Variants in PADI3 observed in about 807,000 individuals in gnomAD.
PADI3 encodes peptidyl arginine deiminase 3, also known as protein-arginine deiminase type-3.
In PADI3, 53 loss-of-function variants were observed where a neutral mutation model predicts 71.5. The observed-to-expected ratio is 0.74, with a 90% CI of 0.59 to 0.93. The LOEUF is 0.93. Among genes scored for constraint, PADI3 ranks in the 40% least tolerant of loss-of-function variants. The pLI is 0.00. For synonymous variants in PADI3, 361 were observed against 347.5 expected, an observed-to-expected ratio of 1.04 and a Z score of -0.43; for missense variants, 821 against 868.0, an observed-to-expected ratio of 0.95 and a Z score of 0.68.
At chr1:17,269,926 G>A (rs972244524) in intron 6 of PADI3, among the ~76,000 whole-genome samples, 1 of 152,122 alleles carries the variant, frequency 6.6e-6, no homozygotes, top group East Asian at 1.9e-4. Flanking sequence ...GCCTGTAGAT[G>A]TATTTTTGTA....
At chr1:17,259,921 A>G (rs2073082803) in intron 2 of PADI3, among the ~76,000 whole-genome samples, 163 bp downstream of exon 2, 1 of 152,182 alleles carries the variant, frequency 6.6e-6, no homozygotes, top group African/African-American at 2.4e-5. Flanking sequence ...TCTGCAAGTT[A>G]CAGACACATA....
rs548507629 is a variant in PADI3, at chr1:17,259,672, G to A, written c.187G>A (p.Ala63Thr). ...CAACATGGAGAGGGGCCGGGAGCGTGCAGACACCAGGCGGTGGCGCTTTGA... is the reference window on the plus strand; with the variant it reads ...CAACATGGAGAGGGGCCGGGAGCGTACAGACACCAGGCGGTGGCGCTTTGA... ...SPNMERGRER[A>T]DTRRWRFDAT... The change falls in exon 2 of 16, where the codon GCA (alanine) becomes ACA (threonine). Residue 63 changes from alanine (A) to threonine (T), a missense_variant. By Grantham distance (58) the Ala-to-Thr change is moderately conservative. Coordinates refer to ENST00000375460, the MANE Select transcript of PADI3 (RefSeq NM_016233.2). 28 of 1,613,912 alleles carry A rather than the reference G, an allele frequency of 1.7e-5. No individual in the cohort carries two copies. The South Asian group carries it at 3.1e-4, about 18-fold the overall frequency.
At chr1:17,260,332 G>C (rs1024822944) in intron 2 of PADI3, among the ~76,000 whole-genome samples, 6 of 152,164 alleles carry the variant, frequency 3.9e-5, no homozygotes, top group African/African-American at 1.4e-4. Context: ...GAAATGGGTG[G>C]CCTTTAAGCT....
chr1:17,271,204 C>T, intron 9 of PADI3, 26 bp downstream of exon 9: 1 of 1,593,944 alleles, frequency 6.3e-7, no homozygotes, highest in Non-Finnish European at 8.6e-7. Flanking sequence ...GGGCAGGGCC[C>T]AGCAAGGACG....
chr1:17,254,299 C>A (rs2073000597), intron 1 of PADI3, among the ~76,000 whole-genome samples: 1 of 152,204 alleles, frequency 6.6e-6, no homozygotes, highest in Non-Finnish European at 1.5e-5. Context: ...CACATCCCAG[C>A]TCGGTGGAGA....
At chr1:17,274,926 G>A in intron 11 of PADI3, 140 bp downstream of exon 11, 1 of 851,842 alleles carries the variant, frequency 1.2e-6, no homozygotes, top group Non-Finnish European at 1.8e-6. Flanking sequence ...CGGATGTGCT[G>A]GGGTTGGTGG....
intron 9 of PADI3, among the ~76,000 whole-genome samples, chr1:17,271,836 C>CAACAA (rs1553135547): frequency 6.4e-4 from 51 of 79,438 alleles, no homozygotes; most frequent in African/African-American, 2.5e-3. Flanking sequence ...GCAACAACAA[C>CAACAA]AAAAAAAAAA....
intron 1 of PADI3, 95 bp downstream of exon 1, chr1:17,249,324 C>A: frequency 9.9e-7 from 1 of 1,008,056 alleles, no homozygotes; most frequent in Non-Finnish European, 1.6e-6. Context: ...TCAGGGCCCA[C>A]TCCCCAGCCT....
At chr1:17,259,130 T>C (rs1280019206) in intron 1 of PADI3, among the ~76,000 whole-genome samples, 2 of 152,178 alleles carry the variant, frequency 1.3e-5, no homozygotes, top group Non-Finnish European at 1.5e-5. Context: ...AGTGCAGTGG[T>C]GCAATCTTGG....
intron 1 of PADI3, among the ~76,000 whole-genome samples, chr1:17,254,936 G>A (rs1339454441): frequency 1.3e-5 from 2 of 151,924 alleles, no homozygotes; most frequent in African/African-American, 2.4e-5. Flanking sequence ...GGCTGGTCTC[G>A]AACTCCTGAC....
chr1:17,273,276 C>T (rs928513379), intron 9 of PADI3, 64 bp from the exon 10 acceptor site: 18 of 1,309,370 alleles, frequency 1.4e-5, no homozygotes, highest in African/African-American at 7.3e-5. Context: ...GGCTCAGAGC[C>T]GAGCCAGCAG....
At chr1:17,257,876 T>C (rs1468257930) in intron 1 of PADI3, among the ~76,000 whole-genome samples, 2 of 152,192 alleles carry the variant, frequency 1.3e-5, no homozygotes, top group African/African-American at 4.8e-5. Context: ...GAGGATCAGA[T>C]GAGCTAATGT....
Position 17,257,505 on chromosome 1 carries a change from T to C in PADI3, c.93-2073T>C, listed in dbSNP as rs146547921. 5.2e-3 allele frequency among the ~76,000 whole-genome samples: 791 copies of C among 152,390 alleles called. 5 individuals are homozygous for C. The highest frequency in any genetic ancestry group is 0.018 in the African/African-American group (757 of 41,584). On this transcript the variant is annotated intron_variant, in intron 1 of 15. Coordinates refer to ENST00000375460, the MANE Select transcript of PADI3 (RefSeq NM_016233.2). ...GAAATTCAAGTCCAACTGAGCTTTC[T>C]GTATTTTTATTTGCTAAGTCTGGCA...
chr1:17,270,767 T>C, intron 7 of PADI3, 112 bp from the exon 8 acceptor site: 1 of 785,300 alleles, frequency 1.3e-6, no homozygotes, highest in Non-Finnish European at 2.2e-6. Context: ...TTCATTTCCA[T>C]CTTGCAGAGA....
chr1:17,274,600 C>A (rs371404280), intron 10 of PADI3, 35 bp from the exon 11 acceptor site: 11 of 1,583,488 alleles, frequency 6.9e-6, no homozygotes, highest in Non-Finnish European at 8.6e-6. Flanking sequence ...TTCCTGGTAC[C>A]CTCCACCCCC....
At position 17,265,756 on chromosome 1, in the gene PADI3, G is replaced by C. The variant is rs989113280; in HGVS notation, c.408+36G>C. 2.5e-6 allele frequency: 4 copies of C among 1,584,784 alleles called. No homozygotes were observed. In the Admixed American group the frequency reaches 6.7e-5, roughly 26 times the overall value. ...CTGCCTGGGCCCAGGAAGCAGGAGTGCAGTTGGAGCTTGCTCTAGGTTGGG... is the reference window on the plus strand; with the variant it reads ...CTGCCTGGGCCCAGGAAGCAGGAGTCCAGTTGGAGCTTGCTCTAGGTTGGG... On this transcript the variant is annotated intron_variant, in intron 4 of 15. Coordinates refer to ENST00000375460, the MANE Select transcript of PADI3 (RefSeq NM_016233.2).
At chr1:17,261,100 G>C (rs1414845780) in intron 2 of PADI3, among the ~76,000 whole-genome samples, 4 of 152,178 alleles carry the variant, frequency 2.6e-5, no homozygotes, top group Non-Finnish European at 5.9e-5. Flanking sequence ...GGACTACAGA[G>C]GTGAGTGGCC....
chr1:17,253,653 GA>G (rs1470251263), intron 1 of PADI3, among the ~76,000 whole-genome samples: 1 of 152,158 alleles, frequency 6.6e-6, no homozygotes, highest in Non-Finnish European at 1.5e-5. Flanking sequence ...ACTCATCTGT[GA>G]AAGGCCCCAG....
intron 1 of PADI3, among the ~76,000 whole-genome samples, chr1:17,257,022 ACT>A (rs2073036691): frequency 8.3e-6 from 1 of 120,330 alleles, no homozygotes; most frequent in Admixed American, 1.1e-4. Context: ...ACAGAGCAAG[ACT>A]CTGTCTCAAA....
Sources: gnomAD v4.1 joint callset for allele counts (sites outside exome capture counted in the v4.1 genomes callset) on GRCh38, gnomAD v4.1.1 for gene constraint, MANE v1.5 for transcripts, NCBI Gene and HGNC (gene_info 2026-07-23, HGNC 2026-07-21) for gene names.